TPTE2: variants seen among roughly 807,000 people sequenced by gnomAD.
TPTE2 encodes the protein phosphatidylinositol 3,4,5-trisphosphate 3-phosphatase TPTE2.
In TPTE2, 53 loss-of-function variants were observed where a neutral mutation model predicts 78.6. The ratio of observed to expected loss-of-function variants is 0.67; its 90% CI spans 0.54 to 0.85. The LOEUF (loss-of-function observed/expected upper bound fraction) is 0.85. TPTE2 is among the 40% of genes least tolerant of loss of function. TPTE2 has a pLI of 0.00. For missense variants in TPTE2, 461 were observed against 623.0 expected (o/e 0.74, Z 2.77); for synonymous variants, 175 against 206.2 (o/e 0.85, Z 1.30).
At chr13:19,446,464 A>C (rs1877842423) in intron 13 of TPTE2, among the ~76,000 whole-genome samples, 1 of 152,210 alleles carries the variant, frequency 6.6e-6, no homozygotes, top group South Asian at 2.1e-4. Flanking sequence ...TATGAAAAAA[A>C]ATACTTCCCC....
intron 6 of TPTE2, among the ~76,000 whole-genome samples, chr13:19,471,663 T>C (rs1248152015): frequency 6.6e-6 from 1 of 152,228 alleles, no homozygotes; most frequent in Non-Finnish European, 1.5e-5. Flanking sequence ...TATTTTTGAT[T>C]GGCTCATAGT....
chr13:19,523,843 C>T (rs1440070594), intron 1 of TPTE2, among the ~76,000 whole-genome samples: 1 of 152,178 alleles, frequency 6.6e-6, no homozygotes, highest in Non-Finnish European at 1.5e-5. Flanking sequence ...CACACATGCA[C>T]ACACAATCTA....
At chr13:19,432,544 T>C (rs1346688744) in exon 16 of TPTE2, 1 of 1,605,398 alleles carries the variant, frequency 6.2e-7, no homozygotes, top group South Asian at 1.1e-5. Context: ...GTTGTAGAGA[T>C]GTTTCACTTG....
chr13:19,496,257 A>G (rs1881305588), intron 1 of TPTE2, among the ~76,000 whole-genome samples: 1 of 152,214 alleles, frequency 6.6e-6, no homozygotes, highest in Non-Finnish European at 1.5e-5. Context: ...CATTTACCCT[A>G]CACATCATAC....
intron 13 of TPTE2, among the ~76,000 whole-genome samples, chr13:19,446,982 T>C (rs757627692): frequency 3.9e-5 from 6 of 152,048 alleles, no homozygotes; most frequent in Non-Finnish European, 7.4e-5. Flanking sequence ...TACAACAAAA[T>C]AAATCACCAT....
At chr13:19,498,988 G>A (rs1211374418) in intron 1 of TPTE2, among the ~76,000 whole-genome samples, 1 of 151,730 alleles carries the variant, frequency 6.6e-6, no homozygotes, top group African/African-American at 2.4e-5. Context: ...AAAAAGGCAG[G>A]GGTTGCAATA....
intron 1 of TPTE2, among the ~76,000 whole-genome samples, chr13:19,493,962 G>T (rs1009796832): frequency 2.6e-5 from 4 of 152,188 alleles, no homozygotes; most frequent in Non-Finnish European, 4.4e-5. Context: ...AATAGGATTT[G>T]AGGTTTGGAG....
chr13:19,451,334 C>T, intron 10 of TPTE2, 109 bp from the exon 14 acceptor site: 1 of 1,361,182 alleles, frequency 7.3e-7, no homozygotes, highest in South Asian at 1.3e-5. Flanking sequence ...CTCTCACTAG[C>T]ATCTTCTAGG....
intron 13 of TPTE2, among the ~76,000 whole-genome samples, chr13:19,439,243 G>A (rs61439898): frequency 0.02 from 3,076 of 152,112 alleles, 73 homozygotes; most frequent in Admixed American, 0.054. Context: ...CACAGCCAGC[G>A]GCACTGGCAA....
chr13:19,440,300 T>C (rs1407157638), intron 13 of TPTE2, among the ~76,000 whole-genome samples: 1 of 152,076 alleles, frequency 6.6e-6, no homozygotes, highest in African/African-American at 2.4e-5. Context: ...ATTCCAAGGA[T>C]ACAAGGTTCA....
the TPTE2 span, among the ~76,000 whole-genome samples, chr13:19,550,415 C>T: frequency 6.6e-5 from 10 of 152,140 alleles, no homozygotes; most frequent in African/African-American, 2.2e-4. Flanking sequence ...CCAGATAATA[C>T]ATACTATCCT....
At chr13:19,492,816 T>C (rs1259661618) in intron 3 of TPTE2, 34 bp downstream of exon 6, 4 of 1,612,736 alleles carry the variant, frequency 2.5e-6, no homozygotes, top group African/African-American at 2.7e-5. Context: ...TGCACTCTTA[T>C]GCATACGTGT....
At chr13:19,491,720 G>A (rs1453457106) in intron 3 of TPTE2, among the ~76,000 whole-genome samples, 2 of 152,008 alleles carry the variant, frequency 1.3e-5, no homozygotes, top group African/African-American at 4.8e-5. Flanking sequence ...AGCTACTCAG[G>A]AGGCTGAGGC....
At chr13:19,462,258 T>G (rs1168499646) in intron 10 of TPTE2, among the ~76,000 whole-genome samples, 1 of 152,164 alleles carries the variant, frequency 6.6e-6, no homozygotes, top group Non-Finnish European at 1.5e-5. Flanking sequence ...TAGAACCACC[T>G]TAAAGCAGTC....
At chr13:19,458,162 G>A (rs1443666086) in intron 10 of TPTE2, among the ~76,000 whole-genome samples, 1 of 152,158 alleles carries the variant, frequency 6.6e-6, no homozygotes, top group African/African-American at 2.4e-5. Context: ...CATATCTTTA[G>A]AAGGAGTAAA....
chr13:19,475,418 G>A (rs1419232213), intron 5 of TPTE2, among the ~76,000 whole-genome samples, 155 bp downstream of exon 8: 2 of 151,990 alleles, frequency 1.3e-5, no homozygotes, highest in African/African-American at 2.4e-5. Context: ...TAGAGATGGG[G>A]TTTCACCATG....
At chr13:19,552,407 C>A in the TPTE2 span, among the ~76,000 whole-genome samples, 3 of 151,968 alleles carry the variant, frequency 2.0e-5, no homozygotes, top group African/African-American at 7.2e-5. Flanking sequence ...AAGTGAAATT[C>A]TAAAGTCTTT....
intron 13 of TPTE2, among the ~76,000 whole-genome samples, chr13:19,443,397 C>CTTTTTTTTTTTTTTTTTTTTT (rs71092357): frequency 7.7e-6 from 1 of 129,910 alleles, no homozygotes; most frequent in Non-Finnish European, 1.6e-5. Flanking sequence ...TTCTTTCTTT[C>CTTTTTTTTTTTTTTTTTTTTT]TTTTTTTTTT....
chr13:19,549,218 G>A, the TPTE2 span, among the ~76,000 whole-genome samples: 1 of 151,168 alleles, frequency 6.6e-6, no homozygotes, highest in South Asian at 2.1e-4. Flanking sequence ...TCAATAAACA[G>A]ACAACCTACA....
Sources: gnomAD v4.1 joint callset for allele counts (sites outside exome capture counted in the v4.1 genomes callset) on GRCh38, gnomAD v4.1.1 for gene constraint, MANE v1.5 for transcripts, NCBI Gene and HGNC (gene_info 2026-07-23, HGNC 2026-07-21) for gene names.